The following KLHL24 variants were observed in gnomAD, a reference collection of about 807,000 sequenced individuals.
KLHL24 encodes the protein kelch-like protein 24.
In KLHL24, 29 loss-of-function variants were observed where a neutral mutation model predicts 53.4. The observed-to-expected ratio is 0.54, with a 90% CI of 0.40 to 0.74. KLHL24 has a LOEUF of 0.74. Ranked by LOEUF, KLHL24 falls within the 30% of genes least tolerant of loss-of-function variation. KLHL24 has a pLI of 0.00. For missense variants in KLHL24, 504 were observed against 744.0 expected (o/e 0.68, Z 3.75); for synonymous variants, 222 against 253.7 (o/e 0.88, Z 1.19).
intron 2 of KLHL24, among the ~76,000 whole-genome samples, chr3:183,647,575 C>T (rs571772226): frequency 6.6e-6 from 1 of 151,396 alleles, no homozygotes; most frequent in East Asian, 2.0e-4. Context: ...TCCAGGCGTG[C>T]TGGCGCGTGC....
chr3:183,663,489 G>A lies in KLHL24; in HGVS notation c.952G>A (p.Val318Ile), dbSNP rs201815278. The change falls in exon 4 of 8, where the codon GTT (valine) becomes ATT (isoleucine). Residue 318 changes from valine to isoleucine, a missense_variant. Physicochemically the swap from Val to Ile is conservative, Grantham distance 29. Coordinates refer to ENST00000242810, the MANE Select transcript of KLHL24 (RefSeq NM_017644.3). The surrounding 1 kb of genome is among the most constrained non-coding windows in gnomAD (Gnocchi z 4.9). ...TGGCTATTCTGAGGTGATAGTTGTCGTTGGAGGATGTGAGCGAGTTGGAGG... is the reference window on the plus strand; with the variant it reads ...TGGCTATTCTGAGGTGATAGTTGTCATTGGAGGATGTGAGCGAGTTGGAGG... ...STGYSEVIVV[V>I]GGCERVGGFN... 55 of 1,569,940 alleles carry A rather than the reference G, an allele frequency of 3.5e-5. No individual in the cohort carries two copies. Among genetic ancestry groups the A allele is most frequent in the East Asian group, 1.8e-4 (8 of 43,302 alleles).
chr3:183,666,904 C>T (rs1277496671), intron 5 of KLHL24, among the ~76,000 whole-genome samples: 2 of 152,142 alleles, frequency 1.3e-5, no homozygotes, highest in Non-Finnish European at 2.9e-5. Context: ...AATTAATGAA[C>T]AACTAAAAGC....
rs1387801101 is a variant in KLHL24, at chr3:183,682,969, CG to C, written c.*3687del. ...TTTTTTTTTGGGGAAGGGGGGAGAA[CG>C]GGGTCTTGCTCTGTCGCCCAGGCTG... On this transcript the variant is annotated 3_prime_UTR_variant, in exon 8 of 8. Transcript: ENST00000242810. 2 of 139,912 alleles carry C rather than the reference CG, an allele frequency of 1.4e-5. No homozygotes were observed. Among genetic ancestry groups the C allele is most frequent in the Admixed American group, 1.5e-4 (2 of 13,244 alleles). 8.7% of individuals were successfully genotyped at this position (139,912 alleles called of 1,614,324 possible).
rs1171602504 is a variant in KLHL24, at chr3:183,671,166, G to A, written c.1357G>A (p.Val453Ile). Residue 453 changes from valine (V) to isoleucine (I), a missense_variant, in exon 6 of 8, where the codon GTA becomes ATA. Transcript: ENST00000242810. ...GAGTTCTCCTGCAGTGACTAGCTGT[G>A]TAGGCAAACTGTTTGTGATTGGTGG... is the stretch of plus-strand genomic sequence containing the variant. ...AVSSPAVTSC[V>I]GKLFVIGGGP... The A allele has an allele frequency of 1.9e-6, 3 of 1,613,940 alleles. No individual in the cohort carries two copies. Among genetic ancestry groups the A allele is most frequent in the East Asian group, 2.2e-5 (1 of 44,892 alleles).
intron 3 of KLHL24, among the ~76,000 whole-genome samples, chr3:183,658,809 A>AT (rs35150276): frequency 7.9e-4 from 111 of 140,056 alleles, no homozygotes; most frequent in Admixed American, 1.3e-3. Flanking sequence ...CCTTCCTCCC[A>AT]TTTTTTTTTT....
chr3:183,650,425 G>A lies in KLHL24; in HGVS notation c.69G>A (p.Lys23=), dbSNP rs1717967063. 3.1e-6 allele frequency: 5 copies of A among 1,614,004 alleles called. No homozygotes were observed. The highest frequency in any genetic ancestry group is 3.4e-6 in the Non-Finnish European group (4 of 1,180,036). The change falls in exon 3 of 8, where the codon AAG becomes AAA. Residue 23 remains lysine, a synonymous_variant. Transcript: ENST00000242810. The surrounding 1 kb of genome is among the most constrained non-coding windows in gnomAD (Gnocchi z 4.5). ...GGGTGCGTGATTCCCCAGCAACTAA[G>A]CGAAAAGTTTTTGAAATGGACCCCA... is the stretch of plus-strand genomic sequence containing the variant. The part of the protein sequence containing the change: ...DLGVRDSPAT[K]RKVFEMDPKS...
At chr3:183,646,976 A>ATTT (rs34105624) in intron 2 of KLHL24, among the ~76,000 whole-genome samples, 2,106 of 133,752 alleles carry the variant, frequency 0.016, 65 homozygotes, top group African/African-American at 0.053. Context: ...CGCCCAGCTA[A>ATTT]TTTTTTTTTT....
At chr3:183,636,989 G>T (rs1715382283) in intron 1 of KLHL24, among the ~76,000 whole-genome samples, 1 of 152,154 alleles carries the variant, frequency 6.6e-6, no homozygotes, top group Non-Finnish European at 1.5e-5. Flanking sequence ...CTAGTGTCGC[G>T]TTATCTGCCG....
intron 3 of KLHL24, among the ~76,000 whole-genome samples, chr3:183,656,204 T>G (rs541624845): frequency 2.6e-5 from 4 of 152,084 alleles, no homozygotes; most frequent in Admixed American, 2.6e-4. Flanking sequence ...CCCTGGCTTA[T>G]TTTTTGTAGA....
In KLHL24 at chr3:183,651,356, T is replaced by G. The variant is rs1718089484; in HGVS notation, c.920+80T>G. 3 of 934,430 alleles carry G rather than the reference T, an allele frequency of 3.2e-6. No homozygotes were observed. The South Asian group carries it at 5.1e-5, about 16-fold the overall frequency. The allele number at this position is 934,430 out of a possible 1,614,324, so 57.9% of individuals were successfully genotyped here. ...CCTCCTGAATGCAATCTCAGTGTTG[T>G]CATTTATATGCACTGTCTACCTGTG... On this transcript the variant is annotated intron_variant, in intron 3 of 7. Coordinates refer to ENST00000242810, the MANE Select transcript of KLHL24 (RefSeq NM_017644.3).
intron 1 of KLHL24, among the ~76,000 whole-genome samples, chr3:183,638,230 C>A (rs1298622237): frequency 6.6e-6 from 1 of 152,214 alleles, no homozygotes; most frequent in Non-Finnish European, 1.5e-5. Flanking sequence ...AAGCCAGCAA[C>A]CTAAGTCTCT....
intron 7 of KLHL24, among the ~76,000 whole-genome samples, chr3:183,676,574 G>T (rs935633549): frequency 6.6e-6 from 1 of 152,174 alleles, no homozygotes; most frequent in Non-Finnish European, 1.5e-5. Context: ...TGAAAAAAAT[G>T]AGGTCTTTAT....
chr3:183,677,127 T>C (rs1712031971), intron 7 of KLHL24, among the ~76,000 whole-genome samples: 1 of 152,100 alleles, frequency 6.6e-6, no homozygotes, highest in Non-Finnish European at 1.5e-5. Context: ...TTTCCTGATA[T>C]GAATACTTGG....
chr3:183,660,741 A>G (rs951349082), intron 3 of KLHL24, among the ~76,000 whole-genome samples: 38 of 152,038 alleles, frequency 2.5e-4, no homozygotes, highest in Non-Finnish European at 4.6e-4. Context: ...TACCACACAA[A>G]TTGATACTGT....
chr3:183,650,442 T>G lies in KLHL24; in HGVS notation c.86T>G (p.Met29Arg). ...SPATKRKVFE[M>R]DPKSLTGHEF... ...GCAACTAAGCGAAAAGTTTTTGAAATGGACCCCAAATCTCTGACAGGTCAT... is the reference window on the plus strand; with the variant it reads ...GCAACTAAGCGAAAAGTTTTTGAAAGGGACCCCAAATCTCTGACAGGTCAT... The change falls in exon 3 of 8, where the codon ATG becomes AGG. Residue 29 changes from methionine to arginine, a missense_variant. By Grantham distance (91) the Met-to-Arg change is moderately conservative (BLOSUM62 -1). Transcript: ENST00000242810. This position sits in a 1 kb window ranked among gnomAD's most constrained non-coding sequence, Gnocchi z 4.5. 6.2e-7 allele frequency: 1 copy of G among 1,614,168 alleles called. No homozygotes were observed. The highest frequency in any genetic ancestry group is 8.5e-7 in the Non-Finnish European group (1 of 1,180,020).
intron 3 of KLHL24, among the ~76,000 whole-genome samples, chr3:183,660,795 C>A (rs912911863): frequency 6.6e-6 from 1 of 151,996 alleles, no homozygotes; most frequent in Non-Finnish European, 1.5e-5. Flanking sequence ...CCGCAGCTCA[C>A]GCCTGTAATA....
rs527422606 is a variant in KLHL24, at chr3:183,639,197, T to C, written c.-125+3404T>C. ...CCTGGGCAACAGGAGCAAAACTCCG[T>C]CTCAAAAAAAAAAGTGGGCTTTACT... is the stretch of plus-strand genomic sequence containing the variant. On this transcript the variant is annotated intron_variant, in intron 1 of 7. Transcript: ENST00000242810. Among the ~76,000 whole-genome samples, 15 of 150,982 alleles carry C rather than the reference T, an allele frequency of 9.9e-5. 1 individual carries two copies. In the South Asian group the frequency reaches 2.9e-3, roughly 30 times the overall value.
rs1712712871 is a variant in KLHL24 at position 183,681,885 on chromosome 3, G to A, written c.*2599G>A. On this transcript the variant is annotated 3_prime_UTR_variant, in exon 8 of 8. Transcript: ENST00000242810. ...TAGGTGATGCTCATATGAACCTTTG[G>A]TTTAGAATCTATATATGTACATGTG... is the stretch of plus-strand genomic sequence containing the variant. The A allele has an allele frequency of 6.6e-6, 1 of 151,250 alleles. No individual in the cohort carries two copies. Among genetic ancestry groups the A allele is most frequent in the South Asian group, 2.1e-4 (1 of 4,810 alleles). The allele number at this position is 151,250 out of a possible 1,614,324, so 9.4% of individuals were successfully genotyped here.
intron 7 of KLHL24, among the ~76,000 whole-genome samples, chr3:183,674,052 CTTAAT>C (rs1239695298): frequency 6.6e-6 from 1 of 152,122 alleles, no homozygotes; most frequent in Non-Finnish European, 1.5e-5. Flanking sequence ...AACCTAGAAA[CTTAAT>C]TTATTAGATT....
Sources: gnomAD v4.1 joint callset for allele counts (sites outside exome capture counted in the v4.1 genomes callset) on GRCh38, gnomAD v4.1.1 for gene constraint, Gnocchi (gnomAD v3.1) non-coding constraint, MANE v1.5 for transcripts, NCBI Gene and HGNC (gene_info 2026-07-23, HGNC 2026-07-21) for gene names.